Variants in HMGB1 observed in about 807,000 individuals in gnomAD.
HMGB1 encodes the protein high mobility group protein B1.
For missense variants in HMGB1, 79 were observed against 253.5 expected, an observed-to-expected ratio of 0.31 and a Z score of 4.67; for synonymous variants, 81 against 84.0, an observed-to-expected ratio of 0.96 and a Z score of 0.19.
intron 1 of HMGB1, among the ~76,000 whole-genome samples, chr13:30,489,893 C>A (rs1887445709): frequency 6.6e-6 from 1 of 151,882 alleles, no homozygotes; most frequent in African/African-American, 2.4e-5. Context: ...CACCACCATG[C>A]CCGGCTAATT....
intron 1 of HMGB1, among the ~76,000 whole-genome samples, chr13:30,537,033 A>T (rs1360012065): frequency 6.6e-6 from 1 of 152,226 alleles, no homozygotes; most frequent in East Asian, 1.9e-4. Flanking sequence ...GATGTCTTCT[A>T]GAAACTTCCT....
At chr13:30,464,724 CGAGGGCGAG>C in intron 1 of HMGB1, 2 of 761,890 alleles carry the variant, frequency 2.6e-6, no homozygotes, top group Non-Finnish European at 3.2e-6. Context: ...GCCGCCGCCG[CGAGGGCGAG>C]CGCGAGCGAG....
intron 1 of HMGB1, among the ~76,000 whole-genome samples, chr13:30,603,733 A>G (rs1177976035): frequency 6.6e-6 from 1 of 152,224 alleles, no homozygotes; most frequent in Non-Finnish European, 1.5e-5. Flanking sequence ...CCTTTACATA[A>G]AATGGTATAG....
chr13:30,484,889 A>G (rs1295614468), intron 1 of HMGB1, among the ~76,000 whole-genome samples: 8 of 152,024 alleles, frequency 5.3e-5, no homozygotes, highest in African/African-American at 1.9e-4. Context: ...TCTATAGATT[A>G]CTCTTCTTCC....
intron 1 of HMGB1, among the ~76,000 whole-genome samples, chr13:30,609,081 G>C (rs1950488312): frequency 6.7e-6 from 1 of 149,722 alleles, no homozygotes; most frequent in Admixed American, 6.7e-5. Context: ...CTAACACGGT[G>C]TGAAACCCCG....
chr13:30,512,180 A>T (rs1888007205), intron 1 of HMGB1, among the ~76,000 whole-genome samples: 1 of 152,126 alleles, frequency 6.6e-6, no homozygotes, highest in Admixed American at 6.6e-5. Flanking sequence ...GGCAAGAGTA[A>T]ATCAAAAGGA....
intron 1 of HMGB1, among the ~76,000 whole-genome samples, chr13:30,606,588 A>G (rs1299960627): frequency 2.0e-5 from 3 of 152,238 alleles, no homozygotes; most frequent in Non-Finnish European, 4.4e-5. Context: ...AAATATGCCT[A>G]CATGACTGGA....
At chr13:30,605,795 G>C (rs1325686137) in intron 1 of HMGB1, among the ~76,000 whole-genome samples, 8 of 152,112 alleles carry the variant, frequency 5.3e-5, no homozygotes, top group Non-Finnish European at 1.0e-4. Context: ...AAAGCTGAAA[G>C]AATTGTTTGA....
rs760828749 is a variant in HMGB1, at chr13:30,538,451, A to ATTCTTTCTTTCTTTCTTTCT, written c.-14-74777_-14-74758dup. On this transcript the variant is annotated intron_variant, in intron 1 of 4. Transcript: ENST00000405805. ...ACCACTGCAGTAACTAGTACTAGCA[A>ATTCTTTCTTTCTTTCTTTCT]TTCTTTCTTTCTTTCTTTCTTTCTT... 1.9e-3 allele frequency among the ~76,000 whole-genome samples: 172 copies of ATTCTTTCTTTCTTTCTTTCT among 90,674 alleles called. 16 individuals are homozygous for ATTCTTTCTTTCTTTCTTTCT. The highest frequency in any genetic ancestry group is 6.6e-3 in the African/African-American group (117 of 17,736). The allele number at this position is 90,674 out of a possible 152,430, so 59.5% of individuals were successfully genotyped here.
intron 1 of HMGB1, among the ~76,000 whole-genome samples, chr13:30,593,141 T>C (rs75926601): frequency 0.011 from 1,715 of 152,272 alleles, 38 homozygotes; most frequent in African/African-American, 0.039. Context: ...TGCAGATAGA[T>C]GTGACTCTTA....
intron 1 of HMGB1, among the ~76,000 whole-genome samples, chr13:30,591,357 C>A (rs1009630390): frequency 6.6e-6 from 1 of 151,812 alleles, no homozygotes; most frequent in African/African-American, 2.4e-5. Context: ...TACAGAGAAG[C>A]CTGTTTAAGG....
At chr13:30,599,736 G>C (rs1026726833) in intron 1 of HMGB1, among the ~76,000 whole-genome samples, 1 of 152,100 alleles carries the variant, frequency 6.6e-6, no homozygotes, top group Admixed American at 6.6e-5. Context: ...TATTGGATTA[G>C]GGTCCACCAT....
chr13:30,524,539 T>C (rs982871274), intron 1 of HMGB1, among the ~76,000 whole-genome samples: 2 of 151,590 alleles, frequency 1.3e-5, no homozygotes, highest in Non-Finnish European at 2.9e-5. Flanking sequence ...CAAACACTTA[T>C]AAAACCACCA....
chr13:30,465,771 C>G (rs1886750324), intron 1 of HMGB1, 25 bp downstream of exon 1: 1 of 984,876 alleles, frequency 1.0e-6, no homozygotes, highest in South Asian at 4.7e-5. Context: ...GCGCTCTCCC[C>G]GCCGCGGCGC....
At chr13:30,464,921 T>TCCGCGCCGCTCCCCTCC (rs1886658324) in intron 1 of HMGB1, among the ~76,000 whole-genome samples, 1 of 118,474 alleles carries the variant, frequency 8.4e-6, no homozygotes, top group African/African-American at 3.1e-5. Flanking sequence ...GGCCCTCCCC[T>TCCGCGCCGCTCCCCTCC]CCGCGCCGCT....
At chr13:30,604,153 G>T (rs558631276) in intron 1 of HMGB1, among the ~76,000 whole-genome samples, 1 of 152,038 alleles carries the variant, frequency 6.6e-6, no homozygotes, top group Non-Finnish European at 1.5e-5. Flanking sequence ...CTCCAAGTTG[G>T]GGGGTGGGTG....
At chr13:30,601,689 T>C (rs1950402830) in intron 1 of HMGB1, among the ~76,000 whole-genome samples, 2 of 32,326 alleles carry the variant, frequency 6.2e-5, no homozygotes, top group South Asian at 2.0e-3. Context: ...GAGCTTGCAG[T>C]GAGCCGAGAT....
intron 1 of HMGB1, among the ~76,000 whole-genome samples, chr13:30,474,759 C>CTGTT (rs1887028601): frequency 1.1e-5 from 1 of 92,822 alleles, no homozygotes; most frequent in African/African-American, 4.6e-5. Context: ...TCTCTCTCTC[C>CTGTT]TTTTTTTTTT....
chr13:30,600,192 T>G (rs377127008), intron 1 of HMGB1, among the ~76,000 whole-genome samples: 97 of 152,302 alleles, frequency 6.4e-4, no homozygotes, highest in African/African-American at 2.2e-3. Flanking sequence ...GCAATTTATT[T>G]CCCCTGAAAA....
Sources: gnomAD v4.1 joint callset for allele counts (sites outside exome capture counted in the v4.1 genomes callset) on GRCh38, gnomAD v4.1.1 for gene constraint, MANE v1.5 for transcripts, NCBI Gene and HGNC (gene_info 2026-07-23, HGNC 2026-07-21) for gene names.